The following NMNAT1 variants were observed in gnomAD, a reference collection of about 807,000 sequenced individuals.
NMNAT1 encodes the protein nicotinamide/nicotinic acid mononucleotide adenylyltransferase 1.
NMNAT1 carries 11 observed loss-of-function variants against 16.7 expected under a neutral mutation model. The ratio of observed to expected loss-of-function variants is 0.66; its 90% CI spans 0.41 to 1.09. NMNAT1 has a LOEUF of 1.09. Among genes scored for constraint, NMNAT1 ranks in the 50% least tolerant of loss-of-function variants. The pLI, the probability that NMNAT1 is intolerant of heterozygous loss-of-function variation, is 0.00. For missense variants in NMNAT1, 280 were observed against 332.3 expected (o/e 0.84, Z 1.22); for synonymous variants, 110 against 119.8 (o/e 0.92, Z 0.53).
chr1:9,966,783 A>G (rs1181660873), intron 1 of NMNAT1, among the ~76,000 whole-genome samples: 2 of 152,180 alleles, frequency 1.3e-5, no homozygotes, highest in African/African-American at 4.8e-5. Flanking sequence ...TACTAGGGAT[A>G]AGATAATATA....
intron 1 of NMNAT1, among the ~76,000 whole-genome samples, chr1:9,968,067 A>AGTTTTTTTTTTTTT (rs531587727): frequency 1.3e-4 from 9 of 71,874 alleles, no homozygotes; most frequent in Admixed American, 5.5e-4. Flanking sequence ...TGCCAAATGT[A>AGTTTTTTTTTTTTT]GTTTTTTTTT....
At chr1:9,980,953 G>C in intron 3 of NMNAT1, 78 bp from the exon 4 acceptor site, 1 of 1,488,872 alleles carries the variant, frequency 6.7e-7, no homozygotes, top group South Asian at 1.3e-5. Context: ...ACTGTGCCCA[G>C]CTATAAATAA....
chr1:9,951,153 T>TG (rs1641100565), intron 1 of NMNAT1: 1 of 151,898 alleles, frequency 6.6e-6, no homozygotes, highest in Admixed American at 6.6e-5. Flanking sequence ...GTCACAGTGC[T>TG]GGTTGAGTAG....
chr1:9,954,802 G>C (rs146065273), intron 1 of NMNAT1, among the ~76,000 whole-genome samples: 2 of 151,056 alleles, frequency 1.3e-5, no homozygotes, highest in Non-Finnish European at 2.9e-5. Flanking sequence ...GTGGTGGCGC[G>C]TGCCTGTAAT....
intron 1 of NMNAT1, among the ~76,000 whole-genome samples, chr1:9,947,038 T>C (rs1460873433): frequency 1.3e-5 from 2 of 152,172 alleles, no homozygotes; most frequent in African/African-American, 4.8e-5. Flanking sequence ...TCTAGTCTGT[T>C]GTATGTCTGT....
the NMNAT1 span, among the ~76,000 whole-genome samples, chr1:9,990,974 G>A: frequency 6.6e-6 from 1 of 152,174 alleles, no homozygotes; most frequent in African/African-American, 2.4e-5. Context: ...GGCAAGTGGA[G>A]TCTATGTCTA....
chr1:9,967,969 C>T (rs962530977), intron 1 of NMNAT1, among the ~76,000 whole-genome samples: 11 of 151,824 alleles, frequency 7.2e-5, no homozygotes, highest in Admixed American at 2.0e-4. Flanking sequence ...GAGTGAGATA[C>T]TGTCTCAAAA....
downstream of NMNAT1, among the ~76,000 whole-genome samples, chr1:9,989,530 G>T (rs2101723205): frequency 6.6e-6 from 1 of 152,182 alleles, no homozygotes; most frequent in South Asian, 2.1e-4. Flanking sequence ...TTGGACGGCA[G>T]AAATAAGTGG....
At chr1:9,994,557 C>T in the NMNAT1 span, among the ~76,000 whole-genome samples, 6 of 150,406 alleles carry the variant, frequency 4.0e-5, no homozygotes, top group East Asian at 2.0e-4. Flanking sequence ...CAGCCTCCCA[C>T]GTAGCTGGGA....
chr1:9,978,365 G>C (rs567177859), intron 3 of NMNAT1, among the ~76,000 whole-genome samples: 1 of 152,086 alleles, frequency 6.6e-6, no homozygotes, highest in African/African-American at 2.4e-5. Context: ...CAAAAAAAAA[G>C]ATTACTTGTC....
intron 1 of NMNAT1, among the ~76,000 whole-genome samples, chr1:9,960,307 A>C (rs1641373662): frequency 6.7e-6 from 1 of 148,826 alleles, no homozygotes; most frequent in Non-Finnish European, 1.5e-5. Flanking sequence ...AAACAAAAAC[A>C]AAAAAACCCT....
At chr1:9,964,083 G>A (rs953540250) in intron 1 of NMNAT1, among the ~76,000 whole-genome samples, 1 of 151,682 alleles carries the variant, frequency 6.6e-6, no homozygotes, top group Admixed American at 6.6e-5. Context: ...GTAGGGATGG[G>A]ATTTCACCAT....
intron 3 of NMNAT1, among the ~76,000 whole-genome samples, chr1:9,979,844 C>G (rs1641902271): frequency 6.6e-6 from 1 of 151,800 alleles, no homozygotes; most frequent in Non-Finnish European, 1.5e-5. Flanking sequence ...TCCTCATAGA[C>G]TCTGCTAGGA....
At chr1:9,990,953 C>T in the NMNAT1 span, among the ~76,000 whole-genome samples, 2 of 152,126 alleles carry the variant, frequency 1.3e-5, no homozygotes, top group Non-Finnish European at 2.9e-5. Flanking sequence ...AAAAATTACT[C>T]CTTATCCTAT....
chr1:9,959,549 CAT>C, intron 1 of NMNAT1, among the ~76,000 whole-genome samples: 2 of 151,756 alleles, frequency 1.3e-5, no homozygotes, highest in Non-Finnish European at 2.9e-5. Context: ...GGCGTGGTGG[CAT>C]GCGCCTGTAA....
intron 1 of NMNAT1, among the ~76,000 whole-genome samples, chr1:9,950,829 C>G (rs1176208058): frequency 1.3e-5 from 2 of 152,064 alleles, no homozygotes; most frequent in African/African-American, 4.8e-5. Flanking sequence ...TGGTTCACAG[C>G]TATAATCCCA....
chr1:9,962,677 GTTTT>G (rs34747915), intron 1 of NMNAT1, among the ~76,000 whole-genome samples: 1 of 74,218 alleles, frequency 1.3e-5, no homozygotes, highest in Non-Finnish European at 2.2e-5. Flanking sequence ...CCAAATAAGG[GTTTT>G]TTTTTTTTTT....
At chr1:9,992,081 G>GT in the NMNAT1 span, among the ~76,000 whole-genome samples, 2 of 109,332 alleles carry the variant, frequency 1.8e-5, no homozygotes, top group Non-Finnish European at 3.7e-5. Context: ...AATACTTTAG[G>GT]TTTAGATTTT....
At chr1:9,974,684 G>T (rs1641767073) in intron 2 of NMNAT1, among the ~76,000 whole-genome samples, 1 of 151,976 alleles carries the variant, frequency 6.6e-6, no homozygotes, top group Non-Finnish European at 1.5e-5. Flanking sequence ...CACCGCGCCT[G>T]GCCTAATTTT....
Sources: allele counts gnomAD v4.1 joint callset (sites outside exome capture counted in the v4.1 genomes callset), GRCh38; gene constraint gnomAD v4.1.1; transcripts MANE v1.5; gene names NCBI Gene and HGNC (gene_info 2026-07-23, HGNC 2026-07-21).